Variants in PPP1R36 observed in about 807,000 individuals in gnomAD.
The protein encoded by PPP1R36 is chromosome 14 open reading frame 50.
In PPP1R36, 47 loss-of-function variants were observed where a neutral mutation model predicts 53.4. The ratio of observed to expected loss-of-function variants is 0.88; its 90% CI spans 0.70 to 1.12. The LOEUF is 1.12. PPP1R36 is among the 50% of genes most tolerant of loss of function. PPP1R36 has a pLI of 0.00. For missense variants in PPP1R36, 456 were observed against 513.9 expected, an observed-to-expected ratio of 0.89 and a Z score of 1.09; for synonymous variants, 153 against 170.5, an observed-to-expected ratio of 0.90 and a Z score of 0.80.
intron 3 of PPP1R36, chr14:64,561,925 C>A (rs138560748): frequency 2.3e-4 from 100 of 439,142 alleles, no homozygotes; most frequent in African/African-American, 1.7e-3. Flanking sequence ...TGAGAACCAT[C>A]AAAGAGGTCT....
rs768981146 is a variant in PPP1R36, at chr14:64,564,792, G to A, written c.224G>A (p.Gly75Asp). 11 of 1,610,644 alleles carry A rather than the reference G, an allele frequency of 6.8e-6. No homozygotes were observed. In the Admixed American group the frequency reaches 8.4e-5, roughly 12 times the overall value. ...AAEVKEKGKKGKAVHFAETDG... is the reference protein window; with the variant it reads ...AAEVKEKGKKDKAVHFAETDG... The stretch of plus-strand genomic sequence containing the variant: ...GAAGTCAAGGAAAAAGGAAAGAAAG[G>A]CAAAGCAGTTCACTTTGCAGAAACT... Residue 75 changes from glycine (G) to aspartate (D), a missense_variant, in exon 4 of 12, where the codon GGC becomes GAC. Transcript: ENST00000298705.
intron 10 of PPP1R36, 29 bp downstream of exon 10, chr14:64,587,401 G>C (rs547184188): frequency 1.5e-6 from 2 of 1,346,572 alleles, no homozygotes; most frequent in South Asian, 3.4e-5. Context: ...CCTATGCTCA[G>C]GGGTATTTCT....
chr14:64,583,536 C>T (rs373731317), intron 8 of PPP1R36, among the ~76,000 whole-genome samples: 4 of 151,984 alleles, frequency 2.6e-5, no homozygotes, highest in Admixed American at 6.6e-5. Flanking sequence ...AGAGTTAGGC[C>T]GGGCGCTGTG....
intron 8 of PPP1R36, 110 bp downstream of exon 8, chr14:64,574,699 G>A (rs998329675): frequency 1.6e-6 from 2 of 1,238,814 alleles, no homozygotes; most frequent in African/African-American, 3.0e-5. Context: ...TTTTTCTGTT[G>A]TCCAGAGTAA....
At chr14:64,566,728 T>C (rs191227593) in intron 6 of PPP1R36, among the ~76,000 whole-genome samples, 1 of 152,174 alleles carries the variant, frequency 6.6e-6, no homozygotes, top group African/African-American at 2.4e-5. Context: ...TGCACACACA[T>C]ACAGGCTGCT....
At chr14:64,585,382 G>T (rs2080423872) in intron 8 of PPP1R36, among the ~76,000 whole-genome samples, 1 of 152,036 alleles carries the variant, frequency 6.6e-6, no homozygotes, top group Admixed American at 6.6e-5. Flanking sequence ...TGGTCATGTT[G>T]GTGTGTGCCT....
rs771807414 is a variant in PPP1R36 at position 64,568,319 on chromosome 14, CTTTTTTTGTTGT to C, written c.435-27_435-16del. Reference sequence around the variant, plus strand: ...CATTTGAAATAGGTTAGCATTGACTCTTTTTTTGTTGTTTCAAATCTCCCCATAGGAATAAGA... The same window carrying C: ...CATTTGAAATAGGTTAGCATTGACTCTTCAAATCTCCCCATAGGAATAAGA... On this transcript the variant is annotated intron_variant, in intron 6 of 11. Transcript: ENST00000298705. The C allele has an allele frequency of 9.8e-7, 1 of 1,024,852 alleles. No individual in the cohort carries two copies. The highest frequency in any genetic ancestry group is 1.5e-6 in the Non-Finnish European group (1 of 689,074). The allele number at this position is 1,024,852 out of a possible 1,614,324, so 63.5% of individuals were successfully genotyped here.
chr14:64,560,081 G>A (rs2080193133), intron 3 of PPP1R36, among the ~76,000 whole-genome samples: 1 of 102,682 alleles, frequency 9.7e-6, no homozygotes, highest in Admixed American at 1.4e-4. Context: ...TCCAGCCTGG[G>A]CAACAAAACT....
chr14:64,560,103 C>CA (rs1171697200), intron 3 of PPP1R36, among the ~76,000 whole-genome samples: 6,613 of 27,514 alleles, frequency 0.24, 1,744 homozygotes, highest in Non-Finnish European at 0.34. Context: ...GAATCTGTCA[C>CA]AAAAAAAAAA....
At chr14:64,585,516 CAAAAAAAA>C (rs57102182) in intron 8 of PPP1R36, among the ~76,000 whole-genome samples, 30 of 109,132 alleles carry the variant, frequency 2.7e-4, no homozygotes, top group Admixed American at 8.3e-4. Context: ...GACCCTGTCT[CAAAAAAAA>C]AAAAAAAAAA....
At chr14:64,554,554 T>C (rs10148266) in intron 3 of PPP1R36, among the ~76,000 whole-genome samples, 1 of 151,984 alleles carries the variant, frequency 6.6e-6, no homozygotes, top group Non-Finnish European at 1.5e-5. Flanking sequence ...AGCTGGAACA[T>C]GCTTTTTCTG....
Position 64,587,322 on chromosome 14 carries a change from A to G in PPP1R36, c.840A>G (p.Glu280=). The part of the protein sequence containing the change: ...NMFNIPRRRR[E]DEESGGEKKR... ...TCAACATTCCTCGCAGGAGGCGTGA[A>G]GATGAGGAATCAGGAGGGGAAAAGA... Residue 280 remains glutamate (E), a synonymous_variant, in exon 10 of 12, where the codon GAA becomes GAG. Transcript: ENST00000298705. 1 of 1,614,054 alleles carries G rather than the reference A, an allele frequency of 6.2e-7. No individual in the cohort carries two copies. The highest frequency in any genetic ancestry group is 1.3e-5 in the African/African-American group (1 of 75,054).
intron 9 of PPP1R36, 136 bp from the exon 10 acceptor site, chr14:64,587,057 AT>A (rs2080438978): frequency 1.2e-6 from 1 of 821,268 alleles, no homozygotes; most frequent in East Asian, 2.6e-5. Context: ...GAGTATGTGT[AT>A]AATTTTTCAT....
At chr14:64,580,112 C>A (rs1016491895) in intron 8 of PPP1R36, among the ~76,000 whole-genome samples, 1 of 152,118 alleles carries the variant, frequency 6.6e-6, no homozygotes, top group Non-Finnish European at 1.5e-5. Context: ...CCAGCCCGGG[C>A]AACACAGTGA....
In PPP1R36 at chr14:64,585,516, C is replaced by CAAA. The variant is rs57102182; in HGVS notation, c.669-1299_669-1297dup. Reference sequence around the variant, plus strand: ...TGGATGACAGAATGAGACCCTGTCTCAAAAAAAAAAAAAAAAAAAAAAAAT... The same window carrying CAAA: ...TGGATGACAGAATGAGACCCTGTCTCAAAAAAAAAAAAAAAAAAAAAAAAAAAT... On this transcript the variant is annotated intron_variant, in intron 8 of 11. Transcript: ENST00000298705. Among the ~76,000 whole-genome samples the CAAA allele has an allele frequency of 2.4e-3, 265 of 109,086 alleles. 3 individuals carry two copies. The highest frequency in any genetic ancestry group is 5.5e-3 in the African/African-American group (141 of 25,830). The allele number at this position is 109,086 out of a possible 152,430, so 71.6% of individuals were successfully genotyped here.
At chr14:64,570,884 C>T (rs1020035150) in intron 7 of PPP1R36, among the ~76,000 whole-genome samples, 4 of 152,140 alleles carry the variant, frequency 2.6e-5, no homozygotes, top group Non-Finnish European at 5.9e-5. Flanking sequence ...GAAATTAAGG[C>T]TCACAGAGGT....
intron 7 of PPP1R36, among the ~76,000 whole-genome samples, chr14:64,570,702 G>A (rs544777389): frequency 2.6e-5 from 4 of 152,330 alleles, no homozygotes; most frequent in Admixed American, 6.5e-5. Context: ...TACAGAAGTA[G>A]ATGAGACAGT....
intron 8 of PPP1R36, among the ~76,000 whole-genome samples, chr14:64,580,444 G>A (rs1003055133): frequency 4.6e-5 from 7 of 151,896 alleles, no homozygotes; most frequent in African/African-American, 1.5e-4. Context: ...TTTAGTTCTC[G>A]GCATAGAGCC....
chr14:64,571,202 T>C (rs566973103), intron 7 of PPP1R36, among the ~76,000 whole-genome samples: 1 of 152,326 alleles, frequency 6.6e-6, no homozygotes, highest in African/African-American at 2.4e-5. Context: ...CTCGGCTCAC[T>C]GTAACCTCTG....
Sources: gnomAD v4.1 joint callset for allele counts (sites outside exome capture counted in the v4.1 genomes callset) on GRCh38, gnomAD v4.1.1 for gene constraint, MANE v1.5 for transcripts, NCBI Gene and HGNC (gene_info 2026-07-23, HGNC 2026-07-21) for gene names.